TAS1R3: variants seen among roughly 807,000 people sequenced by gnomAD.
The protein encoded by TAS1R3 is taste receptor type 1 member 3.
Under a neutral mutation model 46.1 loss-of-function variants are expected in TAS1R3, and 58 were observed. The observed-to-expected ratio is 1.26, with a 90% confidence interval of 1.02 to 1.57. TAS1R3 has a LOEUF of 1.57. Ranked by LOEUF, TAS1R3 falls within the 40% of genes most tolerant of loss-of-function variation. The pLI is 0.00. For synonymous variants in TAS1R3, 724 were observed against 544.7 expected (o/e 1.33, Z -4.58); for missense variants, 1,422 against 1,185.8 (o/e 1.20, Z -2.93).
rs761157954 is a variant in TAS1R3 at position 1,331,632 on chromosome 1, C to T, written c.192-6C>T. ...GGTGGCCATCTGCGGTTCTGTGTGG[C>T]CCCAGGTTCTCCTCAAACGGCCTGC... On this transcript the variant is annotated splice_polypyrimidine_tract_variant and splice_region_variant and intron_variant, in intron 1 of 5. Transcript: ENST00000339381. 3 of 1,608,748 alleles carry T rather than the reference C, an allele frequency of 1.9e-6. No homozygotes were observed. Among genetic ancestry groups the T allele is most frequent in the South Asian group, 2.2e-5 (2 of 90,982 alleles).
rs765428998 is a variant in TAS1R3, at chr1:1,334,183, C to G, written c.2278C>G (p.Arg760Gly). The G allele has an allele frequency of 2.5e-6, 4 of 1,598,946 alleles. No homozygotes were observed. The highest frequency in any genetic ancestry group is 3.4e-6 in the Non-Finnish European group (4 of 1,173,082). ...GCGGAGCCAGCCGGGCTGCTACAACCGTGCCCGTGGCCTCACCTTTGCCAT... is the reference window on the plus strand; with the variant it reads ...GCGGAGCCAGCCGGGCTGCTACAACGGTGCCCGTGGCCTCACCTTTGCCAT... The part of the protein sequence containing the change: ...LVRSQPGCYN[R>G]ARGLTFAMLA... The change falls in exon 6 of 6, where the codon CGT becomes GGT. Residue 760 changes from arginine (R) to glycine (G), a missense_variant. Physicochemically the swap from Arg to Gly is moderately radical, Grantham distance 125 (BLOSUM62 -2). Coordinates refer to ENST00000339381, the MANE Select transcript of TAS1R3 (RefSeq NM_152228.3).
At chr1:1,333,168 C>G (rs1305942285) in intron 4 of TAS1R3, 44 bp downstream of exon 4, 1 of 1,594,656 alleles carries the variant, frequency 6.3e-7, no homozygotes, top group Non-Finnish European at 8.5e-7. Flanking sequence ...TGGTAGCCCC[C>G]GCGGCAGGGC....
rs929377787 is a variant in TAS1R3, at chr1:1,332,224, G to A, written c.693G>A (p.Ala231=). The A allele has an allele frequency of 3.9e-5, 62 of 1,592,440 alleles. No homozygotes were observed. The Middle Eastern group carries it at 9.9e-4, about 25-fold the overall frequency. The change falls in exon 3 of 6, where the codon GCG becomes GCA. Residue 231 remains alanine (A), a synonymous_variant. Transcript: ENST00000339381. ...QGLSIFSALA[A]ARGICIAHEG... ...TGAGCATCTTCTCGGCCCTGGCCGC[G>A]GCACGCGGCATCTGCATCGCGCACG... is the stretch of plus-strand genomic sequence containing the variant.
rs1643443897 is a variant in TAS1R3 at position 1,332,182 on chromosome 1, G to C, written c.651G>C (p.Glu217Asp). Residue 217 changes from glutamate (E) to aspartate (D), a missense_variant, in exon 3 of 6, where the codon GAG (glutamate) becomes GAC (aspartate). Glu to Asp is a conservative substitution (Grantham distance 45). Coordinates refer to ENST00000339381, the MANE Select transcript of TAS1R3 (RefSeq NM_152228.3). ...NWVAALGSDD[E>D]YGRQGLSIFS... Reference sequence around the variant, plus strand: ...TGGCCGCCCTGGGCAGCGACGACGAGTACGGCCGGCAGGGCCTGAGCATCT... The same window carrying C: ...TGGCCGCCCTGGGCAGCGACGACGACTACGGCCGGCAGGGCCTGAGCATCT... 6.3e-7 allele frequency: 1 copy of C among 1,596,350 alleles called. No homozygotes were observed. Among genetic ancestry groups the C allele is most frequent in the Non-Finnish European group, 8.5e-7 (1 of 1,178,198 alleles).
rs368910171 is a variant in TAS1R3, at chr1:1,333,395, G to A, written c.1600+16G>A. 313 of 1,611,242 alleles carry A rather than the reference G, an allele frequency of 1.9e-4. No individual in the cohort carries two copies. The highest frequency in any genetic ancestry group is 1.8e-3 in the Middle Eastern group (11 of 6,076). On this transcript the variant is annotated intron_variant, in intron 5 of 5. Coordinates refer to ENST00000339381, the MANE Select transcript of TAS1R3 (RefSeq NM_152228.3). ...CAAAACCCAGGTGAGCCGCCTTCCC[G>A]GCAGGCGGGGGTGGGAACGCAGCAG... is the stretch of plus-strand genomic sequence containing the variant.
In TAS1R3 at chr1:1,333,250, T is replaced by C. The variant is rs767671023; in HGVS notation, c.1480-9T>C. The C allele has an allele frequency of 3.4e-5, 54 of 1,598,720 alleles. No homozygotes were observed. Among genetic ancestry groups the C allele is most frequent in the Non-Finnish European group, 4.5e-5 (53 of 1,175,388 alleles). On this transcript the variant is annotated splice_polypyrimidine_tract_variant and intron_variant, in intron 4 of 5. Transcript: ENST00000339381. ...GCCGAGCAGAGCCAGACCCCAGGCC[T>C]GTGCGCAGAAGCCCGTGTCCCGGTG...
chr1:1,334,689 G>GA lies in TAS1R3; in HGVS notation c.*226dup. ...CTGTGTCCCTGTCCCTCTGTGCCCA[G>GA]ACCAGGCCTGCCCAGGTAACCCAGA... On this transcript the variant is annotated 3_prime_UTR_variant, in exon 6 of 6. Transcript: ENST00000339381. 3.6e-6 allele frequency: 2 copies of GA among 550,776 alleles called. No individual in the cohort carries two copies. The highest frequency in any genetic ancestry group is 6.3e-6 in the Non-Finnish European group (2 of 317,894). 34.1% of individuals were successfully genotyped at this position (550,776 alleles called of 1,614,324 possible).
In TAS1R3 at chr1:1,331,393, C is replaced by A; in HGVS notation, c.48C>A (p.His16Gln). The A allele has an allele frequency of 6.2e-7, 1 of 1,605,758 alleles. No individual in the cohort carries two copies. The highest frequency in any genetic ancestry group is 8.5e-7 in the Non-Finnish European group (1 of 1,176,676). ...GCCTCAGCCTCTGGGCTCTCCTGCA[C>A]CCTGGGACGGGGGCCCCATTGTGCC... ...VLGLSLWALL[H>Q]PGTGAPLCLS... Residue 16 changes from histidine to glutamine, a missense_variant, in exon 1 of 6, where the codon CAC (histidine) becomes CAA (glutamine). Physicochemically the swap from His to Gln is conservative, Grantham distance 24. Transcript: ENST00000339381.
In TAS1R3 at chr1:1,334,571, G is replaced by A; in HGVS notation, c.*107G>A. 1 of 1,300,494 alleles carries A rather than the reference G, an allele frequency of 7.7e-7. No individual in the cohort carries two copies. Among genetic ancestry groups the A allele is most frequent in the Non-Finnish European group, 1.0e-6 (1 of 975,444 alleles). 80.6% of individuals were successfully genotyped at this position (1,300,494 alleles called of 1,614,324 possible). A position where few individuals can be genotyped will look rare whatever the true frequency, so the allele number is the denominator to read the frequency against. On this transcript the variant is annotated 3_prime_UTR_variant, in exon 6 of 6. Coordinates refer to ENST00000339381, the MANE Select transcript of TAS1R3 (RefSeq NM_152228.3). ...CAGAGACCCTCCCGCTCTAGGTTCT[G>A]ACCCCAGGTTGTCTCCTGACCCTGA...
rs1167981155 is a variant in TAS1R3 at position 1,334,202 on chromosome 1, T to G, written c.2297T>G (p.Phe766Cys). Reference sequence around the variant, plus strand: ...TACAACCGTGCCCGTGGCCTCACCTTTGCCATGCTGGCCTACTTCATCACC... The same window carrying G: ...TACAACCGTGCCCGTGGCCTCACCTGTGCCATGCTGGCCTACTTCATCACC... ...GCYNRARGLT[F>C]AMLAYFITWV... Residue 766 changes from phenylalanine to cysteine, a missense_variant, in exon 6 of 6, where the codon TTT becomes TGT. Coordinates refer to ENST00000339381, the MANE Select transcript of TAS1R3 (RefSeq NM_152228.3). The G allele has an allele frequency of 1.9e-6, 3 of 1,605,736 alleles. No homozygotes were observed. The African/African-American group carries it at 4.0e-5, about 21-fold the overall frequency.
Position 1,332,692 on chromosome 1 carries a change from C to T in TAS1R3, c.1161C>T (p.His387=), listed in dbSNP as rs1206885542. The T allele has an allele frequency of 1.9e-6, 3 of 1,604,654 alleles. No individual in the cohort carries two copies. In the South Asian group the frequency reaches 3.3e-5, roughly 18 times the overall value. Residue 387 remains histidine (H), a synonymous_variant, in exon 3 of 6, where the codon CAC becomes CAT. Coordinates refer to ENST00000339381, the MANE Select transcript of TAS1R3 (RefSeq NM_152228.3). ...TLQNVSAGLN[H]HQTFSVYAAV... is the part of the protein sequence containing the mutation. The stretch of plus-strand genomic sequence containing the variant: ...AGAACGTGAGCGCAGGGCTAAATCA[C>T]CACCAGACGTTCTCTGTCTACGCAG...
chr1:1,332,161 C>A lies in TAS1R3; in HGVS notation c.630C>A (p.Ala210=). ...LLQEFGWNWV[A]ALGSDDEYGR... The stretch of plus-strand genomic sequence containing the variant: ...AGGAGTTCGGCTGGAACTGGGTGGC[C>A]GCCCTGGGCAGCGACGACGAGTACG... Residue 210 remains alanine, a synonymous_variant, in exon 3 of 6, where the codon GCC becomes GCA. Transcript: ENST00000339381. 6.3e-7 allele frequency: 1 copy of A among 1,598,050 alleles called. No homozygotes were observed.
rs755139378 is a variant in TAS1R3 at position 1,332,177 on chromosome 1, G to A, written c.646G>A (p.Asp216Asn). The change falls in exon 3 of 6, where the codon GAC becomes AAC. Residue 216 changes from aspartate (D) to asparagine (N), a missense_variant. Asp to Asn is a conservative substitution (Grantham distance 23). Coordinates refer to ENST00000339381, the MANE Select transcript of TAS1R3 (RefSeq NM_152228.3). ...WNWVAALGSD[D>N]EYGRQGLSIF... ...CTGGGTGGCCGCCCTGGGCAGCGAC[G>A]ACGAGTACGGCCGGCAGGGCCTGAG... 21 of 1,596,806 alleles carry A rather than the reference G, an allele frequency of 1.3e-5. No individual in the cohort carries two copies. The highest frequency in any genetic ancestry group is 5.5e-5 in the South Asian group (5 of 90,780).
Position 1,334,426 on chromosome 1 carries a change from A to T in TAS1R3, c.2521A>T (p.Asn841Tyr). Reference sequence around the variant, plus strand: ...GGGCCCTGGGGATGCCCAAGGCCAGAATGACGGGAACACAGGAAATCAGGG... The same window carrying T: ...GGGCCCTGGGGATGCCCAAGGCCAGTATGACGGGAACACAGGAAATCAGGG... ...GGGPGDAQGQNDGNTGNQGKH... is the reference protein window; with the variant it reads ...GGGPGDAQGQYDGNTGNQGKH... The change falls in exon 6 of 6, where the codon AAT (asparagine) becomes TAT (tyrosine). Residue 841 changes from asparagine (N) to tyrosine (Y), a missense_variant. Transcript: ENST00000339381. The T allele has an allele frequency of 6.3e-7, 1 of 1,598,674 alleles. No individual in the cohort carries two copies. Among genetic ancestry groups the T allele is most frequent in the Non-Finnish European group, 8.5e-7 (1 of 1,171,916 alleles).
At chr1:1,331,992 C>G (rs556879150) in intron 2 of TAS1R3, 32 bp from the exon 3 acceptor site, 12 of 1,610,202 alleles carry the variant, frequency 7.5e-6, no homozygotes, top group African/African-American at 2.7e-5. Flanking sequence ...GTGGGAGCCC[C>G]TGTGTCAGGA....
rs781059738 is a variant in TAS1R3 at position 1,331,303 on chromosome 1, T to G, written c.-43T>G. 1.3e-6 allele frequency: 2 copies of G among 1,522,728 alleles called. No homozygotes were observed. Among genetic ancestry groups the G allele is most frequent in the South Asian group, 2.6e-5 (2 of 77,638 alleles). 94.3% of individuals were successfully genotyped at this position (1,522,728 alleles called of 1,614,324 possible). The stretch of plus-strand genomic sequence containing the variant: ...GGGCTCACTCCATGTGAGGCCCCAG[T>G]CGGGGCAGCCACCTGCCGTGCCTGT... On this transcript the variant is annotated 5_prime_UTR_variant, in exon 1 of 6. Coordinates refer to ENST00000339381, the MANE Select transcript of TAS1R3 (RefSeq NM_152228.3).
chr1:1,332,905 C>A lies in TAS1R3; in HGVS notation c.1276-16C>A. 1 of 1,597,536 alleles carries A rather than the reference C, an allele frequency of 6.3e-7. No individual in the cohort carries two copies. The highest frequency in any genetic ancestry group is 8.5e-7 in the Non-Finnish European group (1 of 1,170,312). On this transcript the variant is annotated splice_polypyrimidine_tract_variant and intron_variant, in intron 3 of 5. Coordinates refer to ENST00000339381, the MANE Select transcript of TAS1R3 (RefSeq NM_152228.3). ...CTGGAGGTGGCTGGCGGCTCAGCCC[C>A]GTCCCCCGCCCGCAGCTCCTGGAGA...
rs184832178 is a variant in TAS1R3 at position 1,334,759 on chromosome 1, C to A, written c.*295C>A. 1.4e-4 allele frequency: 48 copies of A among 340,440 alleles called. No homozygotes were observed. Among genetic ancestry groups the A allele is most frequent in the East Asian group, 5.9e-4 (12 of 20,382 alleles). 21.1% of individuals were successfully genotyped at this position (340,440 alleles called of 1,614,324 possible). A position where few individuals can be genotyped will look rare whatever the true frequency, so the allele number is the denominator to read the frequency against. On this transcript the variant is annotated 3_prime_UTR_variant, in exon 6 of 6. Coordinates refer to ENST00000339381, the MANE Select transcript of TAS1R3 (RefSeq NM_152228.3). Reference sequence around the variant, plus strand: ...GCCCGGAGGGCTCCCAGGGTACCCGCAACCCACACCGTGAGCTCAGGAAAA... The same window carrying A: ...GCCCGGAGGGCTCCCAGGGTACCCGAAACCCACACCGTGAGCTCAGGAAAA...
In TAS1R3 at chr1:1,334,223, T is replaced by G; in HGVS notation, c.2318T>G (p.Ile773Ser). The G allele has an allele frequency of 6.2e-7, 1 of 1,610,026 alleles. No homozygotes were observed. The highest frequency in any genetic ancestry group is 8.5e-7 in the Non-Finnish European group (1 of 1,178,822). ...GLTFAMLAYF[I>S]TWVSFVPLLA... ...ACCTTTGCCATGCTGGCCTACTTCATCACCTGGGTCTCCTTTGTGCCCCTC... is the reference window on the plus strand; with the variant it reads ...ACCTTTGCCATGCTGGCCTACTTCAGCACCTGGGTCTCCTTTGTGCCCCTC... The change falls in exon 6 of 6, where the codon ATC (isoleucine) becomes AGC (serine). Residue 773 changes from isoleucine (I) to serine (S), a missense_variant. Ile to Ser is a moderately radical substitution (Grantham distance 142, BLOSUM62 -2). Coordinates refer to ENST00000339381, the MANE Select transcript of TAS1R3 (RefSeq NM_152228.3).
Sources: allele counts gnomAD v4.1 joint callset, GRCh38; gene constraint gnomAD v4.1.1; transcripts MANE v1.5; gene names NCBI Gene and HGNC (gene_info 2026-07-23, HGNC 2026-07-21).